The following SUGCT variants were observed in gnomAD, a reference collection of about 807,000 sequenced individuals.
SUGCT encodes succinyl-CoA:glutarate CoA-transferase.
Under a neutral mutation model 55.0 loss-of-function variants are expected in SUGCT, and 41 were observed. That is an observed-to-expected ratio of 0.74 (90% CI 0.58 to 0.97). The LOEUF (loss-of-function observed/expected upper bound fraction) is 0.97, where lower values mean the gene tolerates loss of function less well. SUGCT is among the 50% of genes least tolerant of loss of function. SUGCT has a pLI of 0.00. For missense variants in SUGCT, 568 were observed against 547.8 expected (o/e 1.04, Z -0.37); for synonymous variants, 187 against 200.4 (o/e 0.93, Z 0.56).
Position 40,180,897 on chromosome 7 carries a change from T to C in SUGCT, c.101-50T>C, listed in dbSNP as rs755650226. 7.3e-6 allele frequency: 10 copies of C among 1,374,308 alleles called. No homozygotes were observed. The South Asian group carries it at 1.2e-4, about 16-fold the overall frequency. 85.1% of individuals were successfully genotyped at this position (1,374,308 alleles called of 1,614,324 possible). ...GCTTATAATGGTGTATGTGAAAATG[T>C]AAGAAAATTACTAATGAATTATCTT... On this transcript the variant is annotated intron_variant, in intron 1 of 13. Coordinates refer to ENST00000335693, the MANE Select transcript of SUGCT (RefSeq NM_001193313.2).
At chr7:40,612,957 A>G (rs1013988860) in intron 12 of SUGCT, among the ~76,000 whole-genome samples, 3 of 152,050 alleles carry the variant, frequency 2.0e-5, no homozygotes, top group African/African-American at 7.2e-5. Context: ...ACATGGTGAA[A>G]CCCCGTCTCT....
chr7:40,615,021 C>T lies in SUGCT; in HGVS notation c.1089+118635C>T, dbSNP rs565780633. 7.9e-5 allele frequency among the ~76,000 whole-genome samples: 12 copies of T among 151,068 alleles called. No homozygotes were observed. In the South Asian group the frequency reaches 2.5e-3, roughly 32 times the overall value. On this transcript the variant is annotated intron_variant, in intron 12 of 13. Coordinates refer to ENST00000335693, the MANE Select transcript of SUGCT (RefSeq NM_001193313.2). ...CAGTAAGCCAAGATCACGCCATTGCCCTCCAGCCTGGGCAACAAACCAAAA... is the reference window on the plus strand; with the variant it reads ...CAGTAAGCCAAGATCACGCCATTGCTCTCCAGCCTGGGCAACAAACCAAAA...
Position 40,286,759 on chromosome 7 carries a change from A to G in SUGCT, c.720+12103A>G, listed in dbSNP as rs543948691. Among the ~76,000 whole-genome samples the G allele has an allele frequency of 7.9e-5, 12 of 152,312 alleles. 1 individual carries two copies. The South Asian group carries it at 1.9e-3, about 24-fold the overall frequency. On this transcript the variant is annotated intron_variant, in intron 8 of 13. Transcript: ENST00000335693. ...AATAAACATTGGGTGTGGCATTTCA[A>G]ATAATAACCCTATGTCCTATAGTTA... is the stretch of plus-strand genomic sequence containing the variant.
chr7:40,317,499 T>A (rs1423062727), intron 9 of SUGCT, among the ~76,000 whole-genome samples: 1 of 152,352 alleles, frequency 6.6e-6, no homozygotes, highest in East Asian at 1.9e-4. Context: ...TATTTATTAA[T>A]GTATCTGCAT....
chr7:40,495,435 A>G (rs1791917756), intron 11 of SUGCT, among the ~76,000 whole-genome samples: 1 of 152,138 alleles, frequency 6.6e-6, no homozygotes, highest in Non-Finnish European at 1.5e-5. Context: ...GGTTACCTAG[A>G]TTATTAATTA....
intron 13 of SUGCT, among the ~76,000 whole-genome samples, chr7:40,854,784 A>T (rs1169029518): frequency 6.6e-6 from 1 of 151,596 alleles, no homozygotes; most frequent in Non-Finnish European, 1.5e-5. Flanking sequence ...ATTTTTTTTT[A>T]AATTAGCCTG....
the SUGCT span, among the ~76,000 whole-genome samples, chr7:41,016,143 T>C: frequency 2.0e-5 from 3 of 152,204 alleles, no homozygotes; most frequent in Non-Finnish European, 4.4e-5. Flanking sequence ...AAAGGCTTTG[T>C]AAGGGGGCAT....
chr7:40,703,944 C>T (rs11768774), intron 12 of SUGCT, among the ~76,000 whole-genome samples: 26,294 of 152,200 alleles, frequency 0.17, 2,648 homozygotes, highest in Non-Finnish European at 0.23. Flanking sequence ...TCATGCCTAG[C>T]GTGGTCTAAC....
chr7:40,957,447 C>CTTT, the SUGCT span, among the ~76,000 whole-genome samples: 504 of 75,948 alleles, frequency 6.6e-3, 6 homozygotes, highest in African/African-American at 0.016. Context: ...GCAACCCCTG[C>CTTT]TTTTTTTTTT....
chr7:40,781,050 G>T (rs1315205493), intron 13 of SUGCT, among the ~76,000 whole-genome samples: 3 of 152,082 alleles, frequency 2.0e-5, no homozygotes, highest in Non-Finnish European at 2.9e-5. Flanking sequence ...TATTTTTGAT[G>T]TCACATGGGC....
chr7:40,951,792 G>A, the SUGCT span, among the ~76,000 whole-genome samples: 1 of 152,070 alleles, frequency 6.6e-6, no homozygotes, highest in South Asian at 2.1e-4. Flanking sequence ...CTGAGTTCTA[G>A]TTTGATTGCA....
chr7:40,578,131 G>T (rs919734784), intron 12 of SUGCT, among the ~76,000 whole-genome samples: 2 of 152,078 alleles, frequency 1.3e-5, no homozygotes, highest in Non-Finnish European at 1.5e-5. Context: ...AGATTGCGGG[G>T]CCTCACCCCA....
At chr7:40,565,535 C>A (rs1228026194) in intron 12 of SUGCT, among the ~76,000 whole-genome samples, 1 of 152,146 alleles carries the variant, frequency 6.6e-6, no homozygotes, top group Non-Finnish European at 1.5e-5. Context: ...TTGTTTTCAG[C>A]ATTGTGCTTT....
the SUGCT span, among the ~76,000 whole-genome samples, chr7:40,948,123 G>T: frequency 6.6e-6 from 1 of 152,090 alleles, no homozygotes; most frequent in African/African-American, 2.4e-5. Flanking sequence ...TGCATATCTT[G>T]GAGTTTCTCT....
intron 9 of SUGCT, among the ~76,000 whole-genome samples, chr7:40,350,916 C>T (rs191230903): frequency 1.0e-3 from 152 of 151,766 alleles, no homozygotes; most frequent in Non-Finnish European, 1.7e-3. Context: ...TGTTAGTTTG[C>T]GGAGAATGAT....
intron 13 of SUGCT, among the ~76,000 whole-genome samples, chr7:40,769,890 A>G (rs1021595357): frequency 6.6e-6 from 1 of 152,220 alleles, no homozygotes; most frequent in African/African-American, 2.4e-5. Flanking sequence ...TGCAGGAAGC[A>G]TAGCTGTCTG....
chr7:40,998,087 G>T, the SUGCT span, among the ~76,000 whole-genome samples: 20 of 152,236 alleles, frequency 1.3e-4, no homozygotes, highest in East Asian at 1.4e-3. Context: ...TTGAAAGTAG[G>T]TGTGGGCAGT....
chr7:40,553,116 T>C (rs1008820324), intron 12 of SUGCT, among the ~76,000 whole-genome samples: 3 of 152,238 alleles, frequency 2.0e-5, no homozygotes, highest in African/African-American at 7.2e-5. Context: ...TAATAATTAC[T>C]TTTGGACTTG....
At chr7:40,162,187 C>T (rs1181459349) in intron 1 of SUGCT, among the ~76,000 whole-genome samples, 4 of 152,076 alleles carry the variant, frequency 2.6e-5, no homozygotes, top group Non-Finnish European at 4.4e-5. Context: ...TGAGCTACCG[C>T]GCCCGGCCGT....
Sources: allele counts gnomAD v4.1 joint callset (sites outside exome capture counted in the v4.1 genomes callset), GRCh38; gene constraint gnomAD v4.1.1; transcripts MANE v1.5; gene names NCBI Gene and HGNC (gene_info 2026-07-23, HGNC 2026-07-21).